Variants in GEM observed in about 807,000 individuals in gnomAD.
GEM encodes the protein GTP binding protein overexpressed in skeletal muscle, also known as GTP-binding protein GEM.
A neutral mutation model predicts 33.0 loss-of-function variants in GEM; 31 were observed. That is an observed-to-expected ratio of 0.94 (90% CI 0.71 to 1.27). The LOEUF is 1.27. Ranked by LOEUF, GEM falls within the 50% of genes most tolerant of loss-of-function variation. The probability of loss-of-function intolerance (pLI) is 0.00; values close to 1 mark genes in which losing one functional copy is unlikely to be tolerated. For missense variants in GEM, 354 were observed against 390.5 expected (o/e 0.91, Z 0.79); for synonymous variants, 141 against 143.7 (o/e 0.98, Z 0.13).
chr8:94,259,081 T>A lies in GEM; in HGVS notation c.331+1092A>T, dbSNP rs73268156. On this transcript the variant is annotated intron_variant, in intron 2 of 4. Transcript: ENST00000297596. ...ATTTCTCCCTTTACTCTTCTGAGAT[T>A]CCAGGAGTGAGGAGAGAAATCAATG... Among the ~76,000 whole-genome samples the A allele has an allele frequency of 2.9e-3, 435 of 152,326 alleles. 4 individuals carry two copies. Among genetic ancestry groups the A allele is most frequent in the African/African-American group, 0.01 (417 of 41,572 alleles).
At chr8:94,256,427 G>A (rs192930486) in intron 2 of GEM, among the ~76,000 whole-genome samples, 23 of 152,140 alleles carry the variant, frequency 1.5e-4, no homozygotes, top group African/African-American at 5.1e-4. Context: ...TAATTTTTTC[G>A]TTAACACTCC....
At chr8:94,253,252 G>T in intron 2 of GEM, 140 bp from the exon 3 acceptor site, 1 of 611,576 alleles carries the variant, frequency 1.6e-6, no homozygotes, top group Non-Finnish European at 2.9e-6. Context: ...TATTTTCAAA[G>T]GCAAATTACT....
At chr8:94,259,577 T>C (rs910683377) in intron 2 of GEM, among the ~76,000 whole-genome samples, 1 of 152,202 alleles carries the variant, frequency 6.6e-6, no homozygotes, top group Non-Finnish European at 1.5e-5. Flanking sequence ...TAGGCCAGGC[T>C]CCAATCAATA....
chr8:94,251,921 T>C, intron 4 of GEM, 98 bp downstream of exon 4: 1 of 919,736 alleles, frequency 1.1e-6, no homozygotes, highest in Non-Finnish European at 1.8e-6. Context: ...AATGAGTTCC[T>C]AGATCCAGCC....
chr8:94,253,625 C>T (rs1432931185), intron 2 of GEM, among the ~76,000 whole-genome samples: 2 of 151,728 alleles, frequency 1.3e-5, no homozygotes, highest in Non-Finnish European at 3.0e-5. Flanking sequence ...AATCTTGAGA[C>T]TCTCCCTGTT....
chr8:94,258,841 C>T (rs549083371), intron 2 of GEM, among the ~76,000 whole-genome samples: 22 of 152,302 alleles, frequency 1.4e-4, no homozygotes, highest in African/African-American at 5.1e-4. Context: ...CTGGATAAGG[C>T]TTTTGATCTC....
At chr8:94,259,699 A>G (rs1325912969) in intron 2 of GEM, 1 of 153,496 alleles carries the variant, frequency 6.5e-6, no homozygotes, top group African/African-American at 2.4e-5. Flanking sequence ...TCAAATACAG[A>G]TTTTGAACTA....
At chr8:94,252,337 G>A in intron 3 of GEM, 114 bp from the exon 4 acceptor site, 1 of 702,792 alleles carries the variant, frequency 1.4e-6, no homozygotes, top group Non-Finnish European at 2.4e-6. Context: ...GGAAAAATAG[G>A]AAAAAGGAAG....
At chr8:94,252,262 C>A in intron 3 of GEM, 39 bp from the exon 4 acceptor site, 1 of 1,338,300 alleles carries the variant, frequency 7.5e-7, no homozygotes, top group South Asian at 1.2e-5. Context: ...TTCAGTTAGG[C>A]CTGGGGAATA....
At chr8:94,250,961 A>G (rs1433153148) in intron 4 of GEM, among the ~76,000 whole-genome samples, 1 of 152,236 alleles carries the variant, frequency 6.6e-6, no homozygotes, top group Non-Finnish European at 1.5e-5. Flanking sequence ...CAATCTTGGA[A>G]AATACATTAT....
chr8:94,257,160 AT>A (rs1033351038), intron 2 of GEM, among the ~76,000 whole-genome samples: 2 of 151,434 alleles, frequency 1.3e-5, no homozygotes, highest in Non-Finnish European at 2.9e-5. Flanking sequence ...TATTTATTTT[AT>A]TTTATTTTTA....
rs964434969 is a variant in GEM at position 94,249,303 on chromosome 8, T to C, written c.*1007A>G. On this transcript the variant is annotated 3_prime_UTR_variant, in exon 5 of 5. Transcript: ENST00000297596. ...ATTATAAGACATATAGGTAAAAACT[T>C]GCATATTTTGAAAAAGATAGAAAAT... 1.3e-5 allele frequency: 2 copies of C among 152,220 alleles called. No homozygotes were observed. Among genetic ancestry groups the C allele is most frequent in the African/African-American group, 4.8e-5 (2 of 41,456 alleles). 9.4% of individuals were successfully genotyped at this position (152,220 alleles called of 1,614,324 possible).
intron 2 of GEM, among the ~76,000 whole-genome samples, chr8:94,258,405 C>T (rs997912331): frequency 5.3e-5 from 8 of 152,120 alleles, no homozygotes; most frequent in Admixed American, 4.6e-4. Context: ...TAACACTTAG[C>T]TCATTACTAG....
In GEM at chr8:94,252,103, T is replaced by C. The variant is rs1458575369; in HGVS notation, c.529A>G (p.Arg177Gly). The change falls in exon 4 of 5, where the codon AGG becomes GGG. Residue 177 changes from arginine (R) to glycine (G), a missense_variant. Coordinates refer to ENST00000297596, the MANE Select transcript of GEM (RefSeq NM_005261.4). Reference protein sequence around the residue: ...KASELRIQLRRARQTEDIPII... With the variant: ...KASELRIQLRGARQTEDIPII... ...GGAATGTCCTCTGTCTGCCGGGCCC[T>C]GCGGAGCTGGATTCGCAGCTCAGAT... 6.2e-7 allele frequency: 1 copy of C among 1,613,788 alleles called. No individual in the cohort carries two copies. Among genetic ancestry groups the C allele is most frequent in the Non-Finnish European group, 8.5e-7 (1 of 1,179,780 alleles).
In GEM at chr8:94,260,436, C is replaced by A; in HGVS notation, c.68G>T (p.Ser23Ile). The change falls in exon 2 of 5, where the codon AGC (serine) becomes ATC (isoleucine). Residue 23 changes from serine to isoleucine, a missense_variant. Coordinates refer to ENST00000297596, the MANE Select transcript of GEM (RefSeq NM_005261.4). ...CAGATGCCTGCCATCAGCTGGGATG[C>A]TCCAGCGCTGCTGCTGTGGCTGCAT... ...VGMQPQQQRW[S>I]IPADGRHLMV... 1 of 1,613,708 alleles carries A rather than the reference C, an allele frequency of 6.2e-7. No homozygotes were observed. Among genetic ancestry groups the A allele is most frequent in the Non-Finnish European group, 8.5e-7 (1 of 1,179,736 alleles).
At chr8:94,257,218 T>C (rs1808909123) in intron 2 of GEM, among the ~76,000 whole-genome samples, 1 of 152,158 alleles carries the variant, frequency 6.6e-6, no homozygotes, top group Non-Finnish European at 1.5e-5. Flanking sequence ...TTCACTTTTG[T>C]TGCCCAGGCT....
In GEM at chr8:94,250,166, T is replaced by C. The variant is rs1229363715; in HGVS notation, c.*144A>G. The C allele has an allele frequency of 3.0e-6, 2 of 660,978 alleles. No homozygotes were observed. The highest frequency in any genetic ancestry group is 1.8e-5 in the African/African-American group (1 of 55,096). 40.9% of individuals were successfully genotyped at this position (660,978 alleles called of 1,614,324 possible). ...AAAATCTTTCATTTCCCATGCATCATGTTGCCCACAAGGCTAATACGCTAG... is the reference window on the plus strand; with the variant it reads ...AAAATCTTTCATTTCCCATGCATCACGTTGCCCACAAGGCTAATACGCTAG... On this transcript the variant is annotated 3_prime_UTR_variant, in exon 5 of 5. Coordinates refer to ENST00000297596, the MANE Select transcript of GEM (RefSeq NM_005261.4).
At position 94,260,437 on chromosome 8, in the gene GEM, T is replaced by C; in HGVS notation, c.67A>G (p.Ser23Gly). The part of the protein sequence containing the change: ...VGMQPQQQRW[S>G]IPADGRHLMV... The stretch of plus-strand genomic sequence containing the variant: ...AGATGCCTGCCATCAGCTGGGATGC[T>C]CCAGCGCTGCTGCTGTGGCTGCATG... The change falls in exon 2 of 5, where the codon AGC becomes GGC. Residue 23 changes from serine to glycine, a missense_variant. Physicochemically the swap from Ser to Gly is moderately conservative, Grantham distance 56 (BLOSUM62 0). Coordinates refer to ENST00000297596, the MANE Select transcript of GEM (RefSeq NM_005261.4). 1 of 1,613,664 alleles carries C rather than the reference T, an allele frequency of 6.2e-7. No individual in the cohort carries two copies. Among genetic ancestry groups the C allele is most frequent in the Non-Finnish European group, 8.5e-7 (1 of 1,179,690 alleles).
intron 3 of GEM, 90 bp downstream of exon 3, chr8:94,252,946 C>T: frequency 1.4e-6 from 1 of 727,508 alleles, no homozygotes; most frequent in Non-Finnish European, 2.4e-6. Flanking sequence ...TCTGGAACAC[C>T]TACTATATAG....
Sources: gnomAD v4.1 joint callset for allele counts (sites outside exome capture counted in the v4.1 genomes callset) on GRCh38, gnomAD v4.1.1 for gene constraint, MANE v1.5 for transcripts, NCBI Gene and HGNC (gene_info 2026-07-23, HGNC 2026-07-21) for gene names.